Variants in COL2A1 observed in about 807,000 individuals in gnomAD.
COL2A1 encodes collagen type II alpha 1 chain.
COL2A1 carries 28 observed loss-of-function variants against 204.5 expected under a neutral mutation model. The observed-to-expected ratio is 0.14, with a 90% CI of 0.10 to 0.19. The LOEUF (loss-of-function observed/expected upper bound fraction) is 0.19. COL2A1 is among the 10% of genes least tolerant of loss of function. The pLI is 1.00. For synonymous variants in COL2A1, 708 were observed against 718.7 expected (o/e 0.99, Z 0.24); for missense variants, 1,388 against 2,027.5 (o/e 0.68, Z 6.06).
At position 47,997,721 on chromosome 12, in the gene COL2A1, G is replaced by C; in HGVS notation, c.430-14C>G. On this transcript the variant is annotated splice_polypyrimidine_tract_variant and intron_variant, in intron 6 of 53. Coordinates refer to ENST00000380518, the MANE Select transcript of COL2A1 (RefSeq NM_001844.5). ...TCCAGGGGCACCCTTGGCATAAAGA[G>C]AAAAAGGCATCAATGGGAAGCAGTG... The C allele has an allele frequency of 6.2e-7, 1 of 1,614,136 alleles. No homozygotes were observed. The highest frequency in any genetic ancestry group is 8.5e-7 in the Non-Finnish European group (1 of 1,180,024).
Position 47,987,844 on chromosome 12 carries a change from T to C in COL2A1, c.1123-135A>G. The C allele has an allele frequency of 2.8e-6, 2 of 715,934 alleles. No individual in the cohort carries two copies. The highest frequency in any genetic ancestry group is 5.0e-6 in the Non-Finnish European group (2 of 403,282). 44.3% of individuals were successfully genotyped at this position (715,934 alleles called of 1,614,324 possible). On this transcript the variant is annotated intron_variant, in intron 18 of 53. Coordinates refer to ENST00000380518, the MANE Select transcript of COL2A1 (RefSeq NM_001844.5). The surrounding 1 kb of genome is among the most constrained non-coding windows in gnomAD (Gnocchi z 4.1). ...ATGCACCCAACCCTGCACATGAACATGTGCGTTCACACACAGTTCACGCTG... is the reference window on the plus strand; with the variant it reads ...ATGCACCCAACCCTGCACATGAACACGTGCGTTCACACACAGTTCACGCTG...
chr12:48,001,592 G>A (rs1025835486), intron 1 of COL2A1, among the ~76,000 whole-genome samples: 3 of 152,206 alleles, frequency 2.0e-5, no homozygotes, highest in Admixed American at 6.5e-5. Context: ...TCCCCGTGCG[G>A]ATCAGATTTC....
At position 47,998,384 on chromosome 12, in the gene COL2A1, T is replaced by C. The variant is rs774457190; in HGVS notation, c.309+31A>G. On this transcript the variant is annotated intron_variant, in intron 3 of 53. Transcript: ENST00000380518. The stretch of plus-strand genomic sequence containing the variant: ...AGCAGAAAATATAAAGCCAAAAAAA[T>C]ATGAAAAAAGAAAAAGAAGAAAGCC... 37 of 1,579,220 alleles carry C rather than the reference T, an allele frequency of 2.3e-5. No homozygotes were observed. The Admixed American group carries it at 6.5e-4, about 28-fold the overall frequency.
rs374319807 is a variant in COL2A1 at position 47,983,178 on chromosome 12, A to G, written c.2050-41T>C. On this transcript the variant is annotated intron_variant, in intron 31 of 53. Coordinates refer to ENST00000380518, the MANE Select transcript of COL2A1 (RefSeq NM_001844.5). The stretch of plus-strand genomic sequence containing the variant: ...AGATGTGTGAGAGTGAAGGCTTCAT[A>G]TCACAGACCCCTGAACAATTCTCCA... The G allele has an allele frequency of 5.0e-6, 8 of 1,602,898 alleles. No homozygotes were observed. In the African/African-American group the frequency reaches 8.0e-5, roughly 16 times the overall value.
intron 29 of COL2A1, 84 bp from the exon 30 acceptor site, chr12:47,983,820 C>G (rs1939234566): frequency 7.1e-7 from 1 of 1,410,330 alleles, no homozygotes; most frequent in Non-Finnish European, 9.8e-7. Flanking sequence ...GGGAGGTCAG[C>G]AGGGTGGGCA....
Position 47,985,524 on chromosome 12 carries a change from A to G in COL2A1, c.1734+10T>C. 6.2e-7 allele frequency: 1 copy of G among 1,613,652 alleles called. No homozygotes were observed. The highest frequency in any genetic ancestry group is 2.2e-5 in the East Asian group (1 of 44,866). ...CCACCCTCCTAGCAGCCCTCAGAGG[A>G]TAGACTTACAGAAGGGCCAACTTTG... On this transcript the variant is annotated intron_variant, in intron 26 of 53. Transcript: ENST00000380518.
chr12:47,982,693 C>G, intron 33 of COL2A1, 84 bp from the exon 34 acceptor site: 1 of 1,278,132 alleles, frequency 7.8e-7, no homozygotes, highest in Non-Finnish European at 1.1e-6. Flanking sequence ...AACCAGGGCC[C>G]CAAACCCCTC....
intron 16 of COL2A1, among the ~76,000 whole-genome samples, chr12:47,992,162 A>G (rs1635536): frequency 0.79 from 119,363 of 152,024 alleles, 47,270 homozygotes; most frequent in Non-Finnish European, 0.85. Flanking sequence ...ATTGCTAAGG[A>G]ATCAGAGCTA....
intron 2 of COL2A1, chr12:47,999,634 AT>A (rs10708850): frequency 0.21 from 32,792 of 155,180 alleles, 3,616 homozygotes; most frequent in Non-Finnish European, 0.26. Flanking sequence ...TTCAGAGAGG[AT>A]TTTTTTTTTT....
rs1040749429 is a variant in COL2A1 at position 47,976,306 on chromosome 12, G to A, written c.3489+208C>T. On this transcript the variant is annotated intron_variant, in intron 49 of 53. Transcript: ENST00000380518. The surrounding 1 kb of genome is among the most constrained non-coding windows in gnomAD (Gnocchi z 4.3). ...GTAAAATGCTGTTCTGTCTGACAGC[G>A]AGAGGCTGATTCATGTTTGTCTTAC... Among the ~76,000 whole-genome samples the A allele has an allele frequency of 2.6e-5, 4 of 151,532 alleles. No individual in the cohort carries two copies. Among genetic ancestry groups the A allele is most frequent in the African/African-American group, 7.4e-5 (3 of 40,792 alleles).
At position 47,984,536 on chromosome 12, in the gene COL2A1, G is replaced by T; in HGVS notation, c.1887+10C>A. On this transcript the variant is annotated intron_variant, in intron 28 of 53. Coordinates refer to ENST00000380518, the MANE Select transcript of COL2A1 (RefSeq NM_001844.5). ...ACACCAAGTCATGGGCAGCGGGGAA[G>T]GATACTTACCCTCAGACCAGGAGCA... 1 of 1,614,054 alleles carries T rather than the reference G, an allele frequency of 6.2e-7. No homozygotes were observed. Among genetic ancestry groups the T allele is most frequent in the South Asian group, 1.1e-5 (1 of 91,082 alleles).
intron 18 of COL2A1, 99 bp downstream of exon 18, chr12:47,989,129 G>T: frequency 9.9e-7 from 1 of 1,012,184 alleles, no homozygotes; most frequent in South Asian, 1.4e-5. Context: ...CTTCTCAGAA[G>T]GGAGCAGGTG....
At chr12:47,977,520 C>G in intron 45 of COL2A1, 80 bp downstream of exon 45, 1 of 1,597,964 alleles carries the variant, frequency 6.3e-7, no homozygotes. Context: ...CTTGTTCCAA[C>G]CTGCCACCCC....
At chr12:48,002,362 A>C (rs527614101) in intron 1 of COL2A1, among the ~76,000 whole-genome samples, 35 of 152,328 alleles carry the variant, frequency 2.3e-4, no homozygotes, top group African/African-American at 7.9e-4. Context: ...GGTGTCTGAC[A>C]TTCCTGACGT....
chr12:47,979,046 C>G (rs1308516738), intron 41 of COL2A1, among the ~76,000 whole-genome samples: 10 of 152,038 alleles, frequency 6.6e-5, no homozygotes, highest in African/African-American at 1.2e-4. Flanking sequence ...CTCAATCCCC[C>G]TTCCTCAGGA....
chr12:47,979,502 A>G lies in COL2A1; in HGVS notation c.2733+9T>C, dbSNP rs1938917258. 1.9e-6 allele frequency: 3 copies of G among 1,613,000 alleles called. No individual in the cohort carries two copies. The highest frequency in any genetic ancestry group is 2.5e-6 in the Non-Finnish European group (3 of 1,179,606). ...TGCCTGTGCCTCTCATGCCAGGAGCATCACTTACATTGGAGCCTGGGGGTC... is the reference window on the plus strand; with the variant it reads ...TGCCTGTGCCTCTCATGCCAGGAGCGTCACTTACATTGGAGCCTGGGGGTC... On this transcript the variant is annotated intron_variant, in intron 41 of 53. Transcript: ENST00000380518.
chr12:48,000,221 G>A lies in COL2A1; in HGVS notation c.86-96C>T, dbSNP rs1640553864. ...GAGAGAGGTTGCAGTCAACTTGACA[G>A]AATTCAAATGCTGAAGAATGTAGGC... is the stretch of plus-strand genomic sequence containing the variant. On this transcript the variant is annotated intron_variant, in intron 1 of 53. Coordinates refer to ENST00000380518, the MANE Select transcript of COL2A1 (RefSeq NM_001844.5). The A allele has an allele frequency of 7.1e-6, 6 of 847,548 alleles. 1 individual carries two copies. The highest frequency in any genetic ancestry group is 1.2e-5 in the Non-Finnish European group (6 of 508,502). The allele number at this position is 847,548 out of a possible 1,614,324, so 52.5% of individuals were successfully genotyped here.
chr12:47,995,804 C>T (rs1184419941), intron 9 of COL2A1, 41 bp from the exon 10 acceptor site: 1 of 1,611,826 alleles, frequency 6.2e-7, no homozygotes. Context: ...TCCCTATAAA[C>T]TGCTAAAACA....
rs1375673352 is a variant in COL2A1 at position 47,973,094 on chromosome 12, C to G, written c.*313G>C. ...CTGCGCCCGGCACCTGAAGGGAGGT[C>G]TTCTGGCCTGGGCTGGGGGCAGTCA... On this transcript the variant is annotated 3_prime_UTR_variant, in exon 54 of 54. Coordinates refer to ENST00000380518, the MANE Select transcript of COL2A1 (RefSeq NM_001844.5). The G allele has an allele frequency of 1.7e-6, 1 of 601,094 alleles. No homozygotes were observed. The highest frequency in any genetic ancestry group is 3.0e-6 in the Non-Finnish European group (1 of 338,172). 37.2% of individuals were successfully genotyped at this position (601,094 alleles called of 1,614,324 possible).
Sources: gnomAD v4.1 joint callset for allele counts (sites outside exome capture counted in the v4.1 genomes callset) on GRCh38, gnomAD v4.1.1 for gene constraint, Gnocchi (gnomAD v3.1) non-coding constraint, MANE v1.5 for transcripts, NCBI Gene and HGNC (gene_info 2026-07-23, HGNC 2026-07-21) for gene names.